C3orf85: variants seen among roughly 807,000 people sequenced by gnomAD.
C3orf85 encodes chromosome 3 open reading frame 85, also known as uncharacterized protein C3orf85.
In C3orf85, 1 loss-of-function variant was observed where a neutral mutation model predicts 1.7. That is an observed-to-expected ratio of 0.60 (90% CI 0.21 to 2.86). C3orf85 has a LOEUF of 2.86. Among genes scored for constraint, C3orf85 ranks in the 30% most tolerant of loss-of-function variants. The pLI, the probability that C3orf85 is intolerant of heterozygous loss-of-function variation, is 0.22. For missense variants in C3orf85, 29 were observed against 21.3 expected, an observed-to-expected ratio of 1.36 and a Z score of -0.72; for synonymous variants, 17 against 8.0, an observed-to-expected ratio of 2.13 and a Z score of -1.90.
At chr3:109,142,114 C>G (rs777752774) in intron 2 of C3orf85, among the ~76,000 whole-genome samples, 2 of 152,088 alleles carry the variant, frequency 1.3e-5, no homozygotes, top group Non-Finnish European at 2.9e-5. Flanking sequence ...CTCACTAAAT[C>G]GTATAACTCC....
Position 109,149,899 on chromosome 3 carries a change from G to A in C3orf85, c.*5G>A, listed in dbSNP as rs929805882. 1 of 398,144 alleles carries A rather than the reference G, an allele frequency of 2.5e-6. No homozygotes were observed. Among genetic ancestry groups the A allele is most frequent in the Non-Finnish European group, 4.4e-6 (1 of 225,484 alleles). The allele number at this position is 398,144 out of a possible 1,614,324, so 24.7% of individuals were successfully genotyped here. ...GACATGTCTACTGCCCAGTAAATAT[G>A]TTTTCCTGGTTAAAGCAGGAGGATG... On this transcript the variant is annotated 3_prime_UTR_variant, in exon 4 of 4. Transcript: ENST00000622536.
chr3:109,147,321 C>T (rs926531815), intron 2 of C3orf85, among the ~76,000 whole-genome samples: 7 of 152,110 alleles, frequency 4.6e-5, no homozygotes, highest in South Asian at 4.1e-4. Context: ...ATTTTTATAC[C>T]GTATAGCTTG....
rs185255124 is a variant in C3orf85 at position 109,150,818 on chromosome 3, G to T, written c.*924G>T. Among the ~76,000 whole-genome samples the T allele has an allele frequency of 6.6e-6, 1 of 152,020 alleles. No individual in the cohort carries two copies. The highest frequency in any genetic ancestry group is 1.5e-5 in the Non-Finnish European group (1 of 67,986). Reference sequence around the variant, plus strand: ...TATTCTCTATTTTAGTTGTTCTCTCGAACAATTTATTTTTACCTTTTAAGG... The same window carrying T: ...TATTCTCTATTTTAGTTGTTCTCTCTAACAATTTATTTTTACCTTTTAAGG... On this transcript the variant is annotated 3_prime_UTR_variant, in exon 4 of 4. Transcript: ENST00000622536.
chr3:109,145,288 TACTC>T lies in C3orf85; in HGVS notation c.50-2963_50-2960del, dbSNP rs766809700. On this transcript the variant is annotated intron_variant, in intron 2 of 3. Transcript: ENST00000622536. ...CATATATATTAAATACATAAAGTAT[TACTC>T]AGTCTTAAAAAAGGAATGAAATACT... Among the ~76,000 whole-genome samples, 13 of 152,354 alleles carry T rather than the reference TACTC, an allele frequency of 8.5e-5. No individual in the cohort carries two copies. In the South Asian group the frequency reaches 2.1e-3, roughly 24 times the overall value.
intron 3 of C3orf85, 70 bp downstream of exon 3, chr3:109,148,456 C>G (rs1021187267): frequency 1.0e-5 from 7 of 699,172 alleles, no homozygotes; most frequent in African/African-American, 1.7e-5. Flanking sequence ...TAGCTGACCA[C>G]TAATTAACAC....
At chr3:109,148,858 C>T (rs4855582) in intron 3 of C3orf85, 57,720 of 150,598 alleles carry the variant, frequency 0.38, 13,135 homozygotes, top group East Asian at 0.88. Context: ...GGATAGTGGT[C>T]GGACTTTAGT....
chr3:109,149,352 G>A (rs1327267510), intron 3 of C3orf85: 2 of 152,318 alleles, frequency 1.3e-5, no homozygotes, highest in African/African-American at 4.8e-5. Context: ...TGCACTTGCT[G>A]ATGAAAACTA....
chr3:109,143,909 T>A (rs1190159364), intron 2 of C3orf85, among the ~76,000 whole-genome samples: 1 of 152,208 alleles, frequency 6.6e-6, no homozygotes, highest in African/African-American at 2.4e-5. Context: ...TTGCCTTGTT[T>A]CTACTTTACA....
chr3:109,147,471 C>T (rs1188156063), intron 2 of C3orf85, among the ~76,000 whole-genome samples: 4 of 152,152 alleles, frequency 2.6e-5, no homozygotes, highest in Admixed American at 6.6e-5. Flanking sequence ...ATTGTTGTCA[C>T]ATATAGGTCA....
In C3orf85 at chr3:109,136,827, T is replaced by C. The variant is rs984375667; in HGVS notation, c.-4-17T>C. 7.3e-6 allele frequency: 3 copies of C among 411,662 alleles called. No individual in the cohort carries two copies. The highest frequency in any genetic ancestry group is 1.3e-5 in the Non-Finnish European group (3 of 231,038). The allele number at this position is 411,662 out of a possible 1,614,324, so 25.5% of individuals were successfully genotyped here. ...GCTAAATTAAAGTAAATAAATCTTT[T>C]TTTTTTCCCAAAATAGGATCATGGC... On this transcript the variant is annotated splice_polypyrimidine_tract_variant and intron_variant, in intron 1 of 3. Coordinates refer to ENST00000622536, the MANE Select transcript of C3orf85 (RefSeq NM_001351622.2).
rs1706862790 is a variant in C3orf85, at chr3:109,151,006, T to C, written c.*1112T>C. 6.6e-6 allele frequency among the ~76,000 whole-genome samples: 1 copy of C among 152,196 alleles called. No individual in the cohort carries two copies. On this transcript the variant is annotated 3_prime_UTR_variant, in exon 4 of 4. Coordinates refer to ENST00000622536, the MANE Select transcript of C3orf85 (RefSeq NM_001351622.2). ...TCTTCTCCAAAAGGACACTGACAGCTGCTCAGTGTTTCACATTTCCCATCC... is the reference window on the plus strand; with the variant it reads ...TCTTCTCCAAAAGGACACTGACAGCCGCTCAGTGTTTCACATTTCCCATCC...
intron 2 of C3orf85, among the ~76,000 whole-genome samples, chr3:109,144,646 A>G (rs905487246): frequency 1.3e-5 from 2 of 152,234 alleles, no homozygotes; most frequent in Admixed American, 1.3e-4. Context: ...CTCTGCCAAG[A>G]TTTATGCAAT....
intron 2 of C3orf85, among the ~76,000 whole-genome samples, chr3:109,138,782 A>G (rs144181066): frequency 6.6e-6 from 1 of 152,322 alleles, no homozygotes; most frequent in African/African-American, 2.4e-5. Context: ...ACAGTAACTT[A>G]TACGCATTGG....
chr3:109,136,740 A>G lies in C3orf85; in HGVS notation c.-6A>G, dbSNP rs952953686. The stretch of plus-strand genomic sequence containing the variant: ...CTGTGTCTCAGCTCACAGGGCTTCC[A>G]GGTATGCAACAAATGCTTTATACTT... On this transcript the variant is annotated splice_region_variant and 5_prime_UTR_variant, in exon 1 of 4. Transcript: ENST00000622536. The G allele has an allele frequency of 2.0e-5, 8 of 397,470 alleles. No homozygotes were observed. Among genetic ancestry groups the G allele is most frequent in the African/African-American group, 1.2e-4 (6 of 48,732 alleles). The allele number at this position is 397,470 out of a possible 1,614,324, so 24.6% of individuals were successfully genotyped here. A position where few individuals can be genotyped will look rare whatever the true frequency, so the allele number is the denominator to read the frequency against.
rs905956347 is a variant in C3orf85, at chr3:109,149,816, A to G, written c.195A>G (p.Thr65=). The G allele has an allele frequency of 2.5e-6, 1 of 398,422 alleles. No individual in the cohort carries two copies. 24.7% of individuals were successfully genotyped at this position (398,422 alleles called of 1,614,324 possible). The change falls in exon 4 of 4, where the codon ACA becomes ACG. Residue 65 remains threonine (T), a synonymous_variant. Transcript: ENST00000622536. ...VNTLAKQARE[T]WIALKTTAQY... Reference sequence around the variant, plus strand: ...TCCTTTTCTTGAAGGCTCGTGAAACATGGATTGCTTTGAAAACAACAGCAC... The same window carrying G: ...TCCTTTTCTTGAAGGCTCGTGAAACGTGGATTGCTTTGAAAACAACAGCAC...
chr3:109,147,302 T>C (rs1336138261), intron 2 of C3orf85, among the ~76,000 whole-genome samples: 1 of 152,130 alleles, frequency 6.6e-6, no homozygotes. Flanking sequence ...GAGAGCCCCA[T>C]AGAGGGGAAT....
At chr3:109,147,987 A>G (rs1242225707) in intron 2 of C3orf85, among the ~76,000 whole-genome samples, 5 of 152,170 alleles carry the variant, frequency 3.3e-5, no homozygotes, top group Non-Finnish European at 7.3e-5. Context: ...GCCCCCATGC[A>G]TGTATGGAAG....
chr3:109,149,016 C>CT (rs1706833796), intron 3 of C3orf85: 1 of 152,022 alleles, frequency 6.6e-6, no homozygotes, highest in African/African-American at 2.4e-5. Context: ...TTGCATTGGC[C>CT]TTTTTTATTC....
chr3:109,137,201 T>A (rs1576771632), intron 2 of C3orf85, among the ~76,000 whole-genome samples: 2 of 152,096 alleles, frequency 1.3e-5, no homozygotes, highest in African/African-American at 4.8e-5. Context: ...AAGAAAATTT[T>A]AAAATATCTT....
Sources: gnomAD v4.1 joint callset for allele counts (sites outside exome capture counted in the v4.1 genomes callset) on GRCh38, gnomAD v4.1.1 for gene constraint, MANE v1.5 for transcripts, NCBI Gene and HGNC (gene_info 2026-07-23, HGNC 2026-07-21) for gene names.